Variants in LRP1B observed in about 807,000 individuals in gnomAD.
LRP1B encodes the protein LDL receptor related protein 1B.
Under a neutral mutation model 556.6 loss-of-function variants are expected in LRP1B, and 217 were observed. The observed-to-expected ratio is 0.39, with a 90% CI of 0.35 to 0.44. The LOEUF (loss-of-function observed/expected upper bound fraction) is 0.44, where lower values mean the gene tolerates loss of function less well. LRP1B is among the 20% of genes least tolerant of loss of function. LRP1B has a pLI of 1.00. For missense variants in LRP1B, 5,053 were observed against 5,620.8 expected (o/e 0.90, Z 3.23); for synonymous variants, 2,047 against 1,865.8 (o/e 1.10, Z -2.50).
At chr2:141,795,900 A>ATATATATATATAT (rs1553465421) in intron 2 of LRP1B, among the ~76,000 whole-genome samples, 16 of 78,980 alleles carry the variant, frequency 2.0e-4, no homozygotes, top group East Asian at 5.7e-4. Context: ...ATATATATAT[A>ATATATATATATAT]ATCTTTAAGC....
chr2:141,129,123 GATTT>G (rs1701287605), intron 7 of LRP1B, among the ~76,000 whole-genome samples: 2 of 152,000 alleles, frequency 1.3e-5, no homozygotes, highest in Non-Finnish European at 2.9e-5. Flanking sequence ...CTTTAATAAA[GATTT>G]ACTTGCATGA....
At chr2:141,004,504 C>T (rs1401638136) in intron 15 of LRP1B, among the ~76,000 whole-genome samples, 3 of 152,022 alleles carry the variant, frequency 2.0e-5, no homozygotes, top group African/African-American at 7.2e-5. Flanking sequence ...GACATTTGGA[C>T]CAGATGTACA....
At chr2:141,240,689 A>C (rs1558954057) in intron 5 of LRP1B, among the ~76,000 whole-genome samples, 2 of 152,100 alleles carry the variant, frequency 1.3e-5, no homozygotes, top group Non-Finnish European at 2.9e-5. Context: ...TATTAAAAAA[A>C]CATGATAGAA....
intron 3 of LRP1B, among the ~76,000 whole-genome samples, chr2:141,402,426 TAATTA>T (rs1405487733): frequency 1.3e-5 from 2 of 152,018 alleles, no homozygotes; most frequent in Non-Finnish European, 2.9e-5. Flanking sequence ...AGAGTGGAAA[TAATTA>T]AATATAACAT....
chr2:142,104,928 C>T (rs1003771355), intron 1 of LRP1B, among the ~76,000 whole-genome samples: 8 of 152,076 alleles, frequency 5.3e-5, no homozygotes, highest in Admixed American at 4.6e-4. Context: ...TCATCTGTCT[C>T]AAATGTCCTA....
chr2:140,880,581 A>G (rs1285320492), intron 25 of LRP1B, among the ~76,000 whole-genome samples: 2 of 152,078 alleles, frequency 1.3e-5, no homozygotes, highest in Non-Finnish European at 2.9e-5. Context: ...AAAGTCGTCA[A>G]TTAAAAACAC....
At chr2:141,155,336 A>G (rs1239380674) in intron 7 of LRP1B, among the ~76,000 whole-genome samples, 1 of 151,892 alleles carries the variant, frequency 6.6e-6, no homozygotes, top group Non-Finnish European at 1.5e-5. Context: ...TTATATTTAT[A>G]TATGGTTTTG....
rs192946366 is a variant in LRP1B, at chr2:141,290,481, T to G, written c.344-35840A>C. 1.1e-4 allele frequency among the ~76,000 whole-genome samples: 17 copies of G among 152,284 alleles called. 1 individual carries two copies. The East Asian group carries it at 2.1e-3, about 19-fold the overall frequency. On this transcript the variant is annotated intron_variant, in intron 3 of 90. Transcript: ENST00000389484. ...TGACTTTATTCAATGTTGTATTTAT[T>G]GTAAAGTAGGAGGCTATTGATATAA...
At chr2:140,895,324 C>A (rs1174575384) in intron 23 of LRP1B, among the ~76,000 whole-genome samples, 1 of 152,086 alleles carries the variant, frequency 6.6e-6, no homozygotes, top group Non-Finnish European at 1.5e-5. Flanking sequence ...AGTGGGCTGC[C>A]GAACAAACAG....
rs183029684 is a variant in LRP1B at position 141,359,170 on chromosome 2, A to T, written c.344-104529T>A. Among the ~76,000 whole-genome samples the T allele has an allele frequency of 1.3e-4, 19 of 151,958 alleles. No individual in the cohort carries two copies. The East Asian group carries it at 3.5e-3, about 28-fold the overall frequency. ...AAGTAATTTCAAGATTTAAAAAATG[A>T]TTAAAAAGTTTAACCAAGTCAAGAA... is the stretch of plus-strand genomic sequence containing the variant. On this transcript the variant is annotated intron_variant, in intron 3 of 90. Coordinates refer to ENST00000389484, the MANE Select transcript of LRP1B (RefSeq NM_018557.3).
intron 2 of LRP1B, among the ~76,000 whole-genome samples, chr2:141,684,306 A>T (rs777018417): frequency 9.0e-4 from 137 of 152,142 alleles, no homozygotes; most frequent in Non-Finnish European, 9.1e-4. Flanking sequence ...CATTGCAGGG[A>T]CATGGATGAA....
chr2:140,620,906 C>A (rs1289726706), intron 41 of LRP1B, among the ~76,000 whole-genome samples: 1 of 151,914 alleles, frequency 6.6e-6, no homozygotes, highest in East Asian at 1.9e-4. Flanking sequence ...AATAAGAATT[C>A]TTTTGAACCC....
At position 140,772,992 on chromosome 2, in the gene LRP1B, G is replaced by A. The variant is rs553787436; in HGVS notation, c.5501-1986C>T. 6.8e-4 allele frequency among the ~76,000 whole-genome samples: 103 copies of A among 152,016 alleles called. 2 individuals are homozygous for A. Among genetic ancestry groups the A allele is most frequent in the Middle Eastern group, 3.4e-3 (1 of 294 alleles). ...GCTACACCTGTAATACCAACTACTC[G>A]GGAGGCTGAGGCATGAGAATCATTG... On this transcript the variant is annotated intron_variant, in intron 33 of 90. Coordinates refer to ENST00000389484, the MANE Select transcript of LRP1B (RefSeq NM_018557.3).
chr2:141,532,784 G>C (rs988416033), intron 2 of LRP1B, among the ~76,000 whole-genome samples: 2 of 152,044 alleles, frequency 1.3e-5, no homozygotes, highest in African/African-American at 4.8e-5. Context: ...TCAGGAGGTT[G>C]AGAACAGCCT....
chr2:141,740,462 G>A (rs1326410028), intron 2 of LRP1B, among the ~76,000 whole-genome samples: 3 of 152,054 alleles, frequency 2.0e-5, no homozygotes, highest in Non-Finnish European at 2.9e-5. Flanking sequence ...TAATTTTTGT[G>A]GGTACATAGT....
intron 43 of LRP1B, among the ~76,000 whole-genome samples, chr2:140,594,262 G>A (rs1252580208): frequency 1.3e-5 from 2 of 152,084 alleles, no homozygotes; most frequent in Non-Finnish European, 2.9e-5. Flanking sequence ...GAGCCACCGC[G>A]CCTGGCCCAT....
intron 21 of LRP1B, among the ~76,000 whole-genome samples, chr2:140,920,062 G>A (rs7562670): frequency 0.84 from 127,564 of 152,030 alleles, 53,639 homozygotes; most frequent in East Asian, 0.96. Context: ...ATTCCTACAA[G>A]TAGCTGGAGG....
intron 2 of LRP1B, among the ~76,000 whole-genome samples, chr2:141,515,368 T>C (rs1684276086): frequency 6.7e-6 from 1 of 150,372 alleles, no homozygotes; most frequent in African/African-American, 2.4e-5. Flanking sequence ...CATGACCAAA[T>C]CTCCTGCAGT....
chr2:140,639,171 C>G lies in LRP1B; in HGVS notation c.6800-37532G>C, dbSNP rs573544019. 8.5e-5 allele frequency among the ~76,000 whole-genome samples: 13 copies of G among 152,222 alleles called. No homozygotes were observed. The South Asian group carries it at 2.5e-3, about 29-fold the overall frequency. ...TGTACAGTCACAACAGAGTTTCTAG[C>G]AATATCAACGTTGTGATAATCATAA... On this transcript the variant is annotated intron_variant, in intron 41 of 90. Coordinates refer to ENST00000389484, the MANE Select transcript of LRP1B (RefSeq NM_018557.3).
Sources: allele counts gnomAD v4.1 joint callset (sites outside exome capture counted in the v4.1 genomes callset), GRCh38; gene constraint gnomAD v4.1.1; transcripts MANE v1.5; gene names NCBI Gene and HGNC (gene_info 2026-07-23, HGNC 2026-07-21).